The following DDX24 variants were observed in gnomAD, a reference collection of about 807,000 sequenced individuals.
DDX24 encodes the protein ATP-dependent RNA helicase DDX24.
In DDX24, 24 loss-of-function variants were observed where a neutral mutation model predicts 68.9. That is an observed-to-expected ratio of 0.35 (90% CI 0.25 to 0.49). The LOEUF (loss-of-function observed/expected upper bound fraction) is 0.49. Among genes scored for constraint, DDX24 ranks in the 20% least tolerant of loss-of-function variants. The pLI is 0.99. For synonymous variants in DDX24, 395 were observed against 385.2 expected (o/e 1.03, Z -0.30); for missense variants, 989 against 1,039.0 (o/e 0.95, Z 0.66).
At chr14:94,065,384 GACAC>G (rs58390384) in intron 2 of DDX24, among the ~76,000 whole-genome samples, 2 of 147,176 alleles carry the variant, frequency 1.4e-5, no homozygotes, top group East Asian at 2.0e-4. Context: ...CTCTCTCTCT[GACAC>G]ACACACACAC....
intron 8 of DDX24, among the ~76,000 whole-genome samples, chr14:94,052,438 A>G (rs1885405624): frequency 6.6e-6 from 1 of 151,852 alleles, no homozygotes; most frequent in South Asian, 2.1e-4. Flanking sequence ...TCATGTCATG[A>G]AAGTGGAGAA....
chr14:94,079,294 G>GT lies in DDX24; in HGVS notation c.448dup (p.Thr150AsnfsTer9). The GT allele has an allele frequency of 6.2e-7, 1 of 1,614,090 alleles. No individual in the cohort carries two copies. The highest frequency in any genetic ancestry group is 8.5e-7 in the Non-Finnish European group (1 of 1,180,026). Reference sequence around the variant, plus strand: ...TTTATTTTTCTTCTTTTTTGGAGCAGTTTGGACCAGGTTTTCTGATGTCAT... The same window carrying GT: ...TTTATTTTTCTTCTTTTTTGGAGCAGTTTTGGACCAGGTTTTCTGATGTCAT... On this transcript the variant is annotated frameshift_variant, in exon 2 of 9. Coordinates refer to ENST00000621632, the MANE Select transcript of DDX24 (RefSeq NM_020414.4). LOFTEE classifies it high-confidence loss of function.
At chr14:94,073,673 T>C (rs551009988) in intron 2 of DDX24, among the ~76,000 whole-genome samples, 1 of 152,294 alleles carries the variant, frequency 6.6e-6, no homozygotes, top group East Asian at 1.9e-4. Context: ...CCATAAAACA[T>C]GTATTCACAT....
chr14:94,054,918 CA>C, intron 7 of DDX24, 77 bp downstream of exon 7: 2 of 1,493,270 alleles, frequency 1.3e-6, no homozygotes, highest in Non-Finnish European at 1.8e-6. Flanking sequence ...GTTATGCTGC[CA>C]GAGTCCCACA....
intron 4 of DDX24, 131 bp downstream of exon 4, chr14:94,060,782 T>G (rs574082424): frequency 6.8e-7 from 1 of 1,481,292 alleles, no homozygotes; most frequent in Non-Finnish European, 9.1e-7. Context: ...CTTGGCTTTC[T>G]AAAGGCCAGG....
intron 2 of DDX24, among the ~76,000 whole-genome samples, chr14:94,066,735 C>A (rs1296714835): frequency 6.6e-6 from 1 of 152,182 alleles, no homozygotes; most frequent in Non-Finnish European, 1.5e-5. Context: ...AGAAGACAGA[C>A]AACAATCACT....
In DDX24 at chr14:94,060,456, G is replaced by C; in HGVS notation, c.1555C>G (p.Arg519Gly). The change falls in exon 5 of 9, where the codon CGA becomes GGA. Residue 519 changes from arginine (R) to glycine (G), a missense_variant. Physicochemically the swap from Arg to Gly is moderately radical, Grantham distance 125 (BLOSUM62 -2). Coordinates refer to ENST00000621632, the MANE Select transcript of DDX24 (RefSeq NM_020414.4). ...TTGGTGTGCTTCTTATGAAGGATTCGAGCAGGAGCCTGATGCACCAGGGTG... is the reference window on the plus strand; with the variant it reads ...TTGGTGTGCTTCTTATGAAGGATTCCAGCAGGAGCCTGATGCACCAGGGTG... ...TLTLVHQAPARILHKKHTKKM... is the reference protein window; with the variant it reads ...TLTLVHQAPAGILHKKHTKKM... 1 of 1,614,106 alleles carries C rather than the reference G, an allele frequency of 6.2e-7. No individual in the cohort carries two copies. The highest frequency in any genetic ancestry group is 8.5e-7 in the Non-Finnish European group (1 of 1,180,022).
chr14:94,072,441 T>C (rs1885850502), intron 2 of DDX24, among the ~76,000 whole-genome samples: 1 of 152,118 alleles, frequency 6.6e-6, no homozygotes, highest in Admixed American at 6.5e-5. Flanking sequence ...GGACTCCGGG[T>C]ACTTGGGGGG....
intron 7 of DDX24, 49 bp downstream of exon 7, chr14:94,054,947 G>A (rs1023028041): frequency 6.3e-7 from 1 of 1,583,922 alleles, no homozygotes. Flanking sequence ...GCTCTGCAAG[G>A]GAGCAGCACA....
intron 3 of DDX24, among the ~76,000 whole-genome samples, chr14:94,061,531 A>T (rs543297782): frequency 6.6e-6 from 1 of 152,306 alleles, no homozygotes; most frequent in South Asian, 2.1e-4. Flanking sequence ...TCATGTGGGT[A>T]AAGGGCTTAG....
chr14:94,067,658 A>G (rs1346111579), intron 2 of DDX24, among the ~76,000 whole-genome samples: 1 of 152,240 alleles, frequency 6.6e-6, no homozygotes, highest in African/African-American at 2.4e-5. Flanking sequence ...CCTACAAGCT[A>G]GAAGGGACTG....
intron 2 of DDX24, among the ~76,000 whole-genome samples, chr14:94,074,470 C>T (rs1303372973): frequency 6.6e-6 from 1 of 152,156 alleles, no homozygotes; most frequent in Non-Finnish European, 1.5e-5. Flanking sequence ...TGAAAAACCA[C>T]CTATTTCAAT....
chr14:94,061,035 C>A lies in DDX24; in HGVS notation c.1275G>T (p.Met425Ile), dbSNP rs1234475535. ...GCATCCTCTGCTGTTTCTGCGTGGA[C>A]ATTCCACCAACCAAAATAGCAGTTT... ...GIKTAILVGG[M>I]STQKQQRMLN... Residue 425 changes from methionine to isoleucine, a missense_variant, in exon 4 of 9, where the codon ATG becomes ATT. Met to Ile is a conservative substitution (Grantham distance 10, BLOSUM62 1). Around this residue, in one of 3 missense-constraint regions of DDX24, gnomAD observed 691 missense variants for 760.0 expected, o/e 0.91. Coordinates refer to ENST00000621632, the MANE Select transcript of DDX24 (RefSeq NM_020414.4). The A allele has an allele frequency of 6.2e-7, 1 of 1,614,238 alleles. No individual in the cohort carries two copies. Among genetic ancestry groups the A allele is most frequent in the Non-Finnish European group, 8.5e-7 (1 of 1,180,046 alleles).
chr14:94,069,473 G>A (rs190462734), intron 2 of DDX24, among the ~76,000 whole-genome samples: 2 of 152,148 alleles, frequency 1.3e-5, no homozygotes, highest in Non-Finnish European at 2.9e-5. Context: ...ACTATTCTAC[G>A]AGATGGAGAA....
chr14:94,063,747 A>G (rs1025920087), intron 2 of DDX24, among the ~76,000 whole-genome samples: 14 of 151,824 alleles, frequency 9.2e-5, no homozygotes, highest in African/African-American at 3.4e-4. Context: ...TCCCATCTTT[A>G]AAAAAATTTG....
rs1361960093 is a variant in DDX24 at position 94,048,881 on chromosome 14, C to T, written c.*2310G>A. 6.6e-6 allele frequency: 1 copy of T among 152,230 alleles called. No individual in the cohort carries two copies. The highest frequency in any genetic ancestry group is 1.5e-5 in the Non-Finnish European group (1 of 68,042). The allele number at this position is 152,230 out of a possible 1,614,324, so 9.4% of individuals were successfully genotyped here. On this transcript the variant is annotated 3_prime_UTR_variant, in exon 9 of 9. Coordinates refer to ENST00000621632, the MANE Select transcript of DDX24 (RefSeq NM_020414.4). ...GATGTGGGCCAAGCCCTACAGCTTC[C>T]CTAGGCAGTAAGTAAAAACATTCTC...
chr14:94,064,473 A>C (rs1436179647), intron 2 of DDX24, among the ~76,000 whole-genome samples: 15 of 152,208 alleles, frequency 9.9e-5, no homozygotes, highest in Admixed American at 9.8e-4. Flanking sequence ...CTCCCCACCA[A>C]CCTCCAGGGA....
intron 2 of DDX24, among the ~76,000 whole-genome samples, chr14:94,064,567 C>T: frequency 6.6e-6 from 1 of 152,194 alleles, no homozygotes; most frequent in East Asian, 1.9e-4. Flanking sequence ...AATGGAACCT[C>T]CACAAAATCT....
chr14:94,070,078 C>T (rs1256818434), intron 2 of DDX24, among the ~76,000 whole-genome samples: 1 of 152,116 alleles, frequency 6.6e-6, no homozygotes, highest in Non-Finnish European at 1.5e-5. Flanking sequence ...CAAACTGGCA[C>T]TGTTTGCTGA....
Sources: gnomAD v4.1 joint callset for allele counts (sites outside exome capture counted in the v4.1 genomes callset) on GRCh38, gnomAD v4.1.1 for gene constraint, gnomAD v4.1.1 regional missense constraint, MANE v1.5 for transcripts, NCBI Gene and HGNC (gene_info 2026-07-23, HGNC 2026-07-21) for gene names.